FOXP1: variants seen among roughly 807,000 people sequenced by gnomAD.
The protein encoded by FOXP1 is forkhead box P1.
FOXP1 carries 15 observed loss-of-function variants against 98.2 expected under a neutral mutation model. The ratio of observed to expected loss-of-function variants is 0.15; its 90% confidence interval spans 0.10 to 0.24. The LOEUF is 0.24. FOXP1 is among the 10% of genes least tolerant of loss of function. The probability of loss-of-function intolerance (pLI) is 1.00; values close to 1 mark genes in which losing one functional copy is unlikely to be tolerated. For synonymous variants in FOXP1, 371 were observed against 314.5 expected, an observed-to-expected ratio of 1.18 and a Z score of -1.90; for missense variants, 633 against 848.5, an observed-to-expected ratio of 0.75 and a Z score of 3.15.
At chr3:71,463,354 CAAAAAAAAAAAAA>C (rs60302484) in intron 3 of FOXP1, among the ~76,000 whole-genome samples, 2 of 65,376 alleles carry the variant, frequency 3.1e-5, no homozygotes, top group South Asian at 6.0e-4. Flanking sequence ...GACACTGTCT[CAAAAAAAAAAAAA>C]AAAAAAAAAA....
chr3:71,251,310 T>A (rs1418341456), intron 5 of FOXP1, among the ~76,000 whole-genome samples: 2 of 152,220 alleles, frequency 1.3e-5, no homozygotes, highest in Non-Finnish European at 2.9e-5. Context: ...GTGAAAAGTC[T>A]CTTAAGCAGT....
At chr3:70,967,700 G>GTTGTTTTTT in intron 19 of FOXP1, among the ~76,000 whole-genome samples, 1 of 63,626 alleles carries the variant, frequency 1.6e-5, no homozygotes, top group Non-Finnish European at 3.1e-5. Context: ...TTTTTTTTTT[G>GTTGTTTTTT]TTTTTTTTTG....
intron 11 of FOXP1, among the ~76,000 whole-genome samples, chr3:71,028,356 A>C (rs543707192): frequency 3.3e-5 from 5 of 152,332 alleles, no homozygotes; most frequent in Admixed American, 6.5e-5. Flanking sequence ...TTCTCAGAGT[A>C]CGGGTCTGGA....
Position 70,958,256 on chromosome 3 carries a change from C to T in FOXP1, c.*991G>A, listed in dbSNP as rs1006325220. 12 of 516,286 alleles carry T rather than the reference C, an allele frequency of 2.3e-5. No individual in the cohort carries two copies. The highest frequency in any genetic ancestry group is 4.5e-5 in the Non-Finnish European group (12 of 267,978). The allele number at this position is 516,286 out of a possible 1,614,324, so 32.0% of individuals were successfully genotyped here. A position where few individuals can be genotyped will look rare whatever the true frequency, so the allele number is the denominator to read the frequency against. ...AATCCGAAACACCCCTCCCCCGAAC[C>T]ACCCCCAATACTGCTGCGTGGAATG... On this transcript the variant is annotated 3_prime_UTR_variant, in exon 21 of 21. Transcript: ENST00000649528.
rs181547271 is a variant in FOXP1, at chr3:71,371,476, C to T, written c.-167-12232G>A. 3.1e-4 allele frequency among the ~76,000 whole-genome samples: 47 copies of T among 152,340 alleles called. 1 individual carries two copies. The highest frequency in any genetic ancestry group is 1.1e-3 in the African/African-American group (45 of 41,580). On this transcript the variant is annotated intron_variant, in intron 3 of 20. Coordinates refer to ENST00000649528, the MANE Select transcript of FOXP1 (RefSeq NM_001349338.3). Reference sequence around the variant, plus strand: ...AATCAGAAGTCACTGCCTCCAACTGCTTCGCATCCATTTCAGAATAAAATC... The same window carrying T: ...AATCAGAAGTCACTGCCTCCAACTGTTTCGCATCCATTTCAGAATAAAATC...
Position 71,115,336 on chromosome 3 carries a change from T to TATTTATTTATTTATTC in FOXP1, c.181-2700_181-2699insGAATAAATAAATAAAT, listed in dbSNP as rs2058289708. ...TTATTATTTTATTTATTTATTTATT[T>TATTTATTTATTTATTC]ATTTATTTATTTATTTTGGAGACGG... On this transcript the variant is annotated intron_variant, in intron 6 of 20. Transcript: ENST00000649528. Among the ~76,000 whole-genome samples, 5 of 151,010 alleles carry TATTTATTTATTTATTC rather than the reference T, an allele frequency of 3.3e-5. No homozygotes were observed. In the South Asian group the frequency reaches 1.0e-3, roughly 32 times the overall value.
At chr3:71,473,303 C>T (rs1368768581) in intron 3 of FOXP1, among the ~76,000 whole-genome samples, 4 of 152,100 alleles carry the variant, frequency 2.6e-5, no homozygotes, top group Admixed American at 6.5e-5. Flanking sequence ...AGCAAACATT[C>T]TCCAGTACTA....
intron 2 of FOXP1, among the ~76,000 whole-genome samples, chr3:71,505,817 C>T (rs912161366): frequency 6.6e-6 from 1 of 152,160 alleles, no homozygotes; most frequent in Non-Finnish European, 1.5e-5. Flanking sequence ...CCCCCTTCCT[C>T]TCCTACTTCT....
intron 6 of FOXP1, among the ~76,000 whole-genome samples, chr3:71,157,462 C>T (rs1478225455): frequency 6.6e-6 from 1 of 151,984 alleles, no homozygotes; most frequent in Non-Finnish European, 1.5e-5. Flanking sequence ...CATACCTGCC[C>T]CACAAAAAGG....
chr3:71,197,957 C>CAA, intron 6 of FOXP1: 1 of 1,614,194 alleles, frequency 6.2e-7, no homozygotes, highest in Non-Finnish European at 8.5e-7. Context: ...TTCGTCTCAG[C>CAA]AACTGCTCCC....
chr3:71,491,394 G>A (rs570912252), intron 3 of FOXP1, among the ~76,000 whole-genome samples: 2 of 152,316 alleles, frequency 1.3e-5, no homozygotes, highest in East Asian at 3.9e-4. Flanking sequence ...TACATGCATA[G>A]CAATGGAAAA....
At chr3:71,339,729 G>A (rs927010980) in intron 4 of FOXP1, among the ~76,000 whole-genome samples, 9 of 152,152 alleles carry the variant, frequency 5.9e-5, no homozygotes, top group Non-Finnish European at 1.0e-4. Flanking sequence ...GTTAGCTGAC[G>A]GCTGTTGGGA....
At chr3:71,355,530 G>A (rs1217094615) in intron 4 of FOXP1, among the ~76,000 whole-genome samples, 5 of 152,148 alleles carry the variant, frequency 3.3e-5, no homozygotes, top group Non-Finnish European at 5.9e-5. Context: ...AAGGTATCCC[G>A]TAATTCAGAG....
intron 3 of FOXP1, among the ~76,000 whole-genome samples, chr3:71,370,216 C>A (rs2079197720): frequency 6.6e-6 from 1 of 152,114 alleles, no homozygotes; most frequent in Non-Finnish European, 1.5e-5. Context: ...ACTTCCAAAA[C>A]CAAAACAGGG....
At chr3:71,254,236 C>A (rs2068450475) in intron 5 of FOXP1, among the ~76,000 whole-genome samples, 1 of 152,172 alleles carries the variant, frequency 6.6e-6, no homozygotes. Flanking sequence ...TGGTTTCAAC[C>A]TGCTTTTGTC....
At chr3:70,972,735 C>G (rs2036533359) in intron 17 of FOXP1, 59 bp from the exon 18 acceptor site, 23 of 1,576,794 alleles carry the variant, frequency 1.5e-5, no homozygotes, top group Non-Finnish European at 1.9e-5. Flanking sequence ...ACTCCAAAAA[C>G]AGCAGTAAAT....
Position 71,060,339 on chromosome 3 carries a change from G to A in FOXP1, c.283-6566C>T, listed in dbSNP as rs117180374. The stretch of plus-strand genomic sequence containing the variant: ...ATACATCACAGTTAAGCTAAAGGGT[G>A]CAAATGAGATTCTAATGAGAAAACA... On this transcript the variant is annotated intron_variant, in intron 7 of 20. Transcript: ENST00000649528. Among the ~76,000 whole-genome samples, 377 of 152,140 alleles carry A rather than the reference G, an allele frequency of 2.5e-3. 11 individuals are homozygous for A. Among genetic ancestry groups the A allele is most frequent in the Admixed American group, 0.02 (310 of 15,282 alleles).
At chr3:71,126,777 T>C (rs576972046) in intron 6 of FOXP1, among the ~76,000 whole-genome samples, 1 of 144,836 alleles carries the variant, frequency 6.9e-6, no homozygotes, top group Non-Finnish European at 1.5e-5. Context: ...TCGGCTGAGA[T>C]AGCACCACTG....
rs547841994 is a variant in FOXP1, at chr3:70,958,820, T to C, written c.*427A>G. The C allele has an allele frequency of 1.7e-4, 57 of 342,742 alleles. No homozygotes were observed. Among genetic ancestry groups the C allele is most frequent in the African/African-American group, 7.4e-4 (34 of 46,090 alleles). 21.2% of individuals were successfully genotyped at this position (342,742 alleles called of 1,614,324 possible). A position where few individuals can be genotyped will look rare whatever the true frequency, so the allele number is the denominator to read the frequency against. ...CAGTACTGTGCAAATAGGTCGTCCATTGGAATCCTTAAATTCTGGGCAAAG... is the reference window on the plus strand; with the variant it reads ...CAGTACTGTGCAAATAGGTCGTCCACTGGAATCCTTAAATTCTGGGCAAAG... On this transcript the variant is annotated 3_prime_UTR_variant, in exon 21 of 21. Coordinates refer to ENST00000649528, the MANE Select transcript of FOXP1 (RefSeq NM_001349338.3).
Sources: gnomAD v4.1 joint callset for allele counts (sites outside exome capture counted in the v4.1 genomes callset) on GRCh38, gnomAD v4.1.1 for gene constraint, MANE v1.5 for transcripts, NCBI Gene and HGNC (gene_info 2026-07-23, HGNC 2026-07-21) for gene names.